TNFRSF21: variants seen among roughly 807,000 people sequenced by gnomAD.
The protein encoded by TNFRSF21 is tumor necrosis factor receptor superfamily member 21.
A neutral mutation model predicts 45.6 loss-of-function variants in TNFRSF21; 19 were observed. The observed-to-expected ratio is 0.42, with a 90% CI of 0.29 to 0.61. The LOEUF (loss-of-function observed/expected upper bound fraction) is 0.61. TNFRSF21 is among the 20% of genes least tolerant of loss of function. The probability of loss-of-function intolerance (pLI) is 0.23; values close to 1 mark genes in which losing one functional copy is unlikely to be tolerated. For missense variants in TNFRSF21, 737 were observed against 851.5 expected, an observed-to-expected ratio of 0.87 and a Z score of 1.67; for synonymous variants, 314 against 335.5, an observed-to-expected ratio of 0.94 and a Z score of 0.70.
In TNFRSF21 at chr6:47,232,803, G is replaced by C; in HGVS notation, c.1930C>G (p.Leu644Val). The stretch of plus-strand genomic sequence containing the variant: ...GGAAGATGGCTATAAACAGAGTCCA[G>C]GAGGGTCTGGCTGGCTTCCTGGCTC... ...VKSQEASQTL[L>V]DSVYSHLPDL... Residue 644 changes from leucine (L) to valine (V), a missense_variant, in exon 6 of 6, where the codon CTG becomes GTG. Transcript: ENST00000296861. 1 of 1,614,198 alleles carries C rather than the reference G, an allele frequency of 6.2e-7. No individual in the cohort carries two copies. The highest frequency in any genetic ancestry group is 8.5e-7 in the Non-Finnish European group (1 of 1,180,044).
At chr6:47,294,736 G>A (rs1762772410) in intron 1 of TNFRSF21, among the ~76,000 whole-genome samples, 1 of 151,402 alleles carries the variant, frequency 6.6e-6, no homozygotes, top group Non-Finnish European at 1.5e-5. Flanking sequence ...TCACTATGTT[G>A]CCCAGGCTGA....
intron 4 of TNFRSF21, among the ~76,000 whole-genome samples, chr6:47,251,158 C>A (rs1764896688): frequency 6.6e-6 from 1 of 152,104 alleles, no homozygotes; most frequent in African/African-American, 2.4e-5. Context: ...TAAGAACTGG[C>A]AGCCAAAAAT....
intron 3 of TNFRSF21, among the ~76,000 whole-genome samples, chr6:47,279,266 G>A (rs925675300): frequency 6.6e-6 from 1 of 152,160 alleles, no homozygotes; most frequent in African/African-American, 2.4e-5. Flanking sequence ...GGAAAGTAGG[G>A]AAGGGAGGAA....
At chr6:47,257,401 C>T (rs1340260970) in intron 3 of TNFRSF21, among the ~76,000 whole-genome samples, 1 of 152,202 alleles carries the variant, frequency 6.6e-6, no homozygotes, top group Non-Finnish European at 1.5e-5. Context: ...CGCCAATGTT[C>T]TTCACTGCTG....
At chr6:47,281,319 CAT>C (rs1762564183) in intron 3 of TNFRSF21, among the ~76,000 whole-genome samples, 1 of 149,300 alleles carries the variant, frequency 6.7e-6, no homozygotes, top group Non-Finnish European at 1.5e-5. Context: ...TTATATATTA[CAT>C]GTTATATAAT....
chr6:47,239,285 C>CAAAAA (rs548172761), intron 4 of TNFRSF21, among the ~76,000 whole-genome samples: 8 of 57,354 alleles, frequency 1.4e-4, no homozygotes, highest in Admixed American at 4.1e-4. Flanking sequence ...GACTCCATCT[C>CAAAAA]AAAAAAAAAA....
intron 4 of TNFRSF21, among the ~76,000 whole-genome samples, chr6:47,239,379 G>A (rs1230957855): frequency 6.6e-6 from 1 of 151,150 alleles, no homozygotes; most frequent in Non-Finnish European, 1.5e-5. Context: ...CCTGTTGACT[G>A]ACCTTTCCTG....
intron 3 of TNFRSF21, among the ~76,000 whole-genome samples, chr6:47,257,846 T>C (rs893205162): frequency 6.6e-6 from 1 of 152,240 alleles, no homozygotes; most frequent in Non-Finnish European, 1.5e-5. Flanking sequence ...GTGTTCAATT[T>C]TGTTGGCAAG....
At position 47,285,997 on chromosome 6, in the gene TNFRSF21, C is replaced by A. The variant is rs776960080; in HGVS notation, c.695G>T (p.Arg232Leu). ...TTCATGGGTTTCCATGTGCTCAGGGCGTGGAAAGATGGCTGTGCCAGGGGA... is the reference window on the plus strand; with the variant it reads ...TTCATGGGTTTCCATGTGCTCAGGGAGTGGAAAGATGGCTGTGCCAGGGGA... ...SPSPGTAIFPRPEHMETHEVP... is the reference protein window; with the variant it reads ...SPSPGTAIFPLPEHMETHEVP... The change falls in exon 2 of 6, where the codon CGC (arginine) becomes CTC (leucine). Residue 232 changes from arginine (R) to leucine (L), a missense_variant. By Grantham distance (102) the Arg-to-Leu change is moderately radical (BLOSUM62 -2). Coordinates refer to ENST00000296861, the MANE Select transcript of TNFRSF21 (RefSeq NM_014452.5). 2.2e-5 allele frequency: 35 copies of A among 1,614,000 alleles called. No homozygotes were observed. In the Admixed American group the frequency reaches 4.7e-4, roughly 22 times the overall value.
intron 3 of TNFRSF21, among the ~76,000 whole-genome samples, chr6:47,256,258 C>G (rs987509402): frequency 1.3e-5 from 2 of 152,164 alleles, no homozygotes; most frequent in Non-Finnish European, 2.9e-5. Flanking sequence ...GGCAGGGTGG[C>G]TCACACCTGT....
intron 4 of TNFRSF21, among the ~76,000 whole-genome samples, chr6:47,242,594 G>T (rs1432213132): frequency 6.6e-6 from 1 of 152,178 alleles, no homozygotes. Flanking sequence ...GCCAAAGCTG[G>T]TAAGAACCAG....
intron 4 of TNFRSF21, among the ~76,000 whole-genome samples, chr6:47,237,144 A>C (rs755232309): frequency 2.6e-5 from 4 of 152,342 alleles, no homozygotes; most frequent in Non-Finnish European, 2.9e-5. Context: ...AGCAGAGCTA[A>C]CAAGCATCAC....
chr6:47,282,558 T>C (rs533297005), intron 3 of TNFRSF21, among the ~76,000 whole-genome samples: 4 of 152,254 alleles, frequency 2.6e-5, no homozygotes, highest in Admixed American at 2.0e-4. Context: ...CGTTTCGTTA[T>C]AGAAGTGGCA....
chr6:47,275,067 T>C (rs969569505), intron 3 of TNFRSF21, among the ~76,000 whole-genome samples: 7 of 152,148 alleles, frequency 4.6e-5, no homozygotes, highest in South Asian at 4.1e-4. Flanking sequence ...GGAGTGTAAA[T>C]TAGTTCAACC....
chr6:47,248,383 G>A (rs1055350189), intron 4 of TNFRSF21, among the ~76,000 whole-genome samples: 3 of 152,064 alleles, frequency 2.0e-5, no homozygotes, highest in Admixed American at 6.5e-5. Context: ...GTTTCCTAAG[G>A]AGAAGAAACA....
intron 3 of TNFRSF21, among the ~76,000 whole-genome samples, chr6:47,281,937 AC>A (rs1257677913): frequency 1.3e-5 from 2 of 152,000 alleles, no homozygotes; most frequent in African/African-American, 2.4e-5. Context: ...GTCTGATAAG[AC>A]CCAAATAGGA....
intron 3 of TNFRSF21, among the ~76,000 whole-genome samples, chr6:47,282,092 A>T (rs1253971700): frequency 6.6e-6 from 1 of 152,150 alleles, no homozygotes; most frequent in Admixed American, 6.5e-5. Context: ...AGCTAAAAAA[A>T]CAAACAAAAA....
At chr6:47,306,489 G>A (rs1762940676) in intron 1 of TNFRSF21, among the ~76,000 whole-genome samples, 1 of 152,062 alleles carries the variant, frequency 6.6e-6, no homozygotes. Flanking sequence ...TGAAGTTCTG[G>A]GAGCTTCCAT....
chr6:47,307,201 A>G (rs1393570213), intron 1 of TNFRSF21, among the ~76,000 whole-genome samples: 3 of 152,118 alleles, frequency 2.0e-5, no homozygotes, highest in Non-Finnish European at 4.4e-5. Flanking sequence ...ATTTACCTGA[A>G]GTCTTTTTAG....
Sources: gnomAD v4.1 joint callset for allele counts (sites outside exome capture counted in the v4.1 genomes callset) on GRCh38, gnomAD v4.1.1 for gene constraint, MANE v1.5 for transcripts, NCBI Gene and HGNC (gene_info 2026-07-23, HGNC 2026-07-21) for gene names.